Variants in TIMM50 observed in about 807,000 individuals in gnomAD.
TIMM50 encodes translocase of inner mitochondrial membrane 50.
In TIMM50, 34 loss-of-function variants were observed where a neutral mutation model predicts 49.6. The ratio of observed to expected loss-of-function variants is 0.69; its 90% CI spans 0.52 to 0.91. TIMM50 has a LOEUF of 0.91. Among genes scored for constraint, TIMM50 ranks in the 40% least tolerant of loss-of-function variants. The pLI is 0.00. For synonymous variants in TIMM50, 199 were observed against 198.4 expected (o/e 1.00, Z -0.03); for missense variants, 458 against 477.8 (o/e 0.96, Z 0.39).
intron 8 of TIMM50, among the ~76,000 whole-genome samples, chr19:39,487,052 C>T (rs2079512068): frequency 2.0e-5 from 3 of 152,038 alleles, no homozygotes; most frequent in African/African-American, 7.3e-5. Flanking sequence ...TGTCTGGGTG[C>T]CTGTCTGTGT....
At position 39,481,190 on chromosome 19, in the gene TIMM50, G is replaced by A. The variant is rs149941047; in HGVS notation, c.108+229G>A. 6.6e-3 allele frequency: 3,785 copies of A among 577,282 alleles called. 17 individuals carry two copies. The highest frequency in any genetic ancestry group is 8.9e-3 in the Non-Finnish European group (3,038 of 341,300). The allele number at this position is 577,282 out of a possible 1,614,324, so 35.8% of individuals were successfully genotyped here. On this transcript the variant is annotated intron_variant, in intron 1 of 10. Transcript: ENST00000607714. ...CCTCCCACCCACGTGGGTGCCGGAG[G>A]AGGAGGGGGTTACCGTTCCCCGTTT...
At chr19:39,488,379 G>A (rs895071884) in intron 9 of TIMM50, among the ~76,000 whole-genome samples, 160 bp from the exon 10 acceptor site, 1 of 152,208 alleles carries the variant, frequency 6.6e-6, no homozygotes, top group Non-Finnish European at 1.5e-5. Context: ...AATGTTTGGG[G>A]GATACTTGGG....
At position 39,485,708 on chromosome 19, in the gene TIMM50, C is replaced by T; in HGVS notation, c.393C>T (p.Ser131=). ...CACAGATGATCATCGAGCCCACCAG[C>T]CCTTGCCTTCTCCCAGACCCTCTGC... ...DYRQMIIEPT[S]PCLLPDPLQE... The change falls in exon 6 of 11, where the codon AGC becomes AGT. Residue 131 remains serine (S), a synonymous_variant. Coordinates refer to ENST00000607714, the MANE Select transcript of TIMM50 (RefSeq NM_001001563.5). 1 of 1,614,154 alleles carries T rather than the reference C, an allele frequency of 6.2e-7. No individual in the cohort carries two copies. Among genetic ancestry groups the T allele is most frequent in the Non-Finnish European group, 8.5e-7 (1 of 1,180,044 alleles).
chr19:39,481,550 T>C (rs1376445002), intron 1 of TIMM50, among the ~76,000 whole-genome samples: 5 of 152,154 alleles, frequency 3.3e-5, no homozygotes, highest in African/African-American at 1.2e-4. Context: ...ACTTGTGCCC[T>C]CCGTTCCCTC....
intron 4 of TIMM50, among the ~76,000 whole-genome samples, chr19:39,483,699 G>GTCA: frequency 6.6e-6 from 1 of 152,190 alleles, no homozygotes; most frequent in East Asian, 1.9e-4. Flanking sequence ...TTTGCAAACA[G>GTCA]TCATGTTAAT....
rs779513932 is a variant in TIMM50 at position 39,486,501 on chromosome 19, G to A, written c.696+6G>A. 12 of 1,613,698 alleles carry A rather than the reference G, an allele frequency of 7.4e-6. No homozygotes were observed. The highest frequency in any genetic ancestry group is 1.1e-5 in the South Asian group (1 of 91,076). ...TGGATGGACACCATGTAAAGGTGCC[G>A]TGGGTTCATGGGTGGGCCTCTGGGA... On this transcript the variant is annotated splice_donor_region_variant and intron_variant, in intron 8 of 10. Transcript: ENST00000607714.
intron 4 of TIMM50, chr19:39,485,266 A>G (rs2079497111): frequency 2.1e-6 from 1 of 483,260 alleles, no homozygotes; most frequent in Non-Finnish European, 3.8e-6. Flanking sequence ...CCGGCCTTGT[A>G]TGTGGGTTTT....
At position 39,488,424 on chromosome 19, in the gene TIMM50, G is replaced by A. The variant is rs1011875092; in HGVS notation, c.854-115G>A. ...GGGAGCCCTTTCAGAGCGTTCAGAAGCATTCCAGGTAGCACTGACTGCCCC... is the reference window on the plus strand; with the variant it reads ...GGGAGCCCTTTCAGAGCGTTCAGAAACATTCCAGGTAGCACTGACTGCCCC... On this transcript the variant is annotated intron_variant, in intron 9 of 10. Transcript: ENST00000607714. 8 of 1,116,492 alleles carry A rather than the reference G, an allele frequency of 7.2e-6. No homozygotes were observed. In the African/African-American group the frequency reaches 1.2e-4, roughly 17 times the overall value. 69.2% of individuals were successfully genotyped at this position (1,116,492 alleles called of 1,614,324 possible).
rs537437016 is a variant in TIMM50, at chr19:39,490,395, A to G, written c.*575A>G. On this transcript the variant is annotated 3_prime_UTR_variant, in exon 11 of 11. Transcript: ENST00000607714. ...TGGGAATATTTTTTTTTTTTTTTTGAGACAGGGTCTCACTGTTGCCCAGGC... is the reference window on the plus strand; with the variant it reads ...TGGGAATATTTTTTTTTTTTTTTTGGGACAGGGTCTCACTGTTGCCCAGGC... The G allele has an allele frequency of 2.7e-4, 40 of 147,436 alleles. No homozygotes were observed. Among genetic ancestry groups the G allele is most frequent in the African/African-American group, 1.0e-3 (40 of 39,274 alleles). The allele number at this position is 147,436 out of a possible 1,614,324, so 9.1% of individuals were successfully genotyped here.
chr19:39,486,100 G>A (rs760234313), intron 6 of TIMM50, 87 bp from the exon 7 acceptor site: 12 of 1,367,124 alleles, frequency 8.8e-6, no homozygotes, highest in Non-Finnish European at 1.3e-5. Flanking sequence ...CTCTGTTCTG[G>A]GAATCCCCCA....
chr19:39,480,880 G>A lies in TIMM50; in HGVS notation c.27G>A (p.Ser9=), dbSNP rs757925955. The change falls in exon 1 of 11, where the codon TCG becomes TCA. Residue 9 remains serine, a synonymous_variant. Coordinates refer to ENST00000607714, the MANE Select transcript of TIMM50 (RefSeq NM_001001563.5). ...TGGCGGCCTCGGCAGCGGTGTTCTCGCGCTTGCGAAGCGGGCTCCGGCTCG... is the reference window on the plus strand; with the variant it reads ...TGGCGGCCTCGGCAGCGGTGTTCTCACGCTTGCGAAGCGGGCTCCGGCTCG... MAASAAVF[S]RLRSGLRLGS... 13 of 1,599,654 alleles carry A rather than the reference G, an allele frequency of 8.1e-6. No homozygotes were observed. In the African/African-American group the frequency reaches 1.7e-4, roughly 21 times the overall value.
chr19:39,482,194 GTCT>G (rs1160155174), intron 2 of TIMM50, among the ~76,000 whole-genome samples, 161 bp downstream of exon 2: 14 of 152,282 alleles, frequency 9.2e-5, no homozygotes, highest in South Asian at 2.1e-4. Context: ...AACCAGGGAA[GTCT>G]TCTTTCTTCT....
chr19:39,486,023 G>C (rs1386254809), intron 6 of TIMM50, 164 bp from the exon 7 acceptor site: 1 of 1,064,326 alleles, frequency 9.4e-7, no homozygotes, highest in Non-Finnish European at 1.4e-6. Flanking sequence ...CCACAAAGGA[G>C]CCAGACCCGC....
intron 1 of TIMM50, 164 bp downstream of exon 1, chr19:39,481,125 A>G: frequency 2.2e-6 from 2 of 908,934 alleles, no homozygotes; most frequent in Non-Finnish European, 3.2e-6. Flanking sequence ...TTGCTCCCCT[A>G]GGCTGGAGGC....
At position 39,488,222 on chromosome 19, in the gene TIMM50, G is replaced by C. The variant is rs372156763; in HGVS notation, c.853+5G>C. The stretch of plus-strand genomic sequence containing the variant: ...ATCTGTCTGCCTTCCTCAAGAGTAA[G>C]GCTGACCCCTGATCCCTTGGCCTCT... On this transcript the variant is annotated splice_donor_5th_base_variant and intron_variant, in intron 9 of 10. Coordinates refer to ENST00000607714, the MANE Select transcript of TIMM50 (RefSeq NM_001001563.5). The C allele has an allele frequency of 1.2e-6, 2 of 1,608,808 alleles. No individual in the cohort carries two copies. Among genetic ancestry groups the C allele is most frequent in the African/African-American group, 2.7e-5 (2 of 74,842 alleles).
intron 8 of TIMM50, among the ~76,000 whole-genome samples, chr19:39,486,767 G>T (rs1223298083): frequency 2.0e-5 from 3 of 152,004 alleles, no homozygotes; most frequent in Non-Finnish European, 4.4e-5. Context: ...TTAGAAGCTG[G>T]TTTTATCTTG....
intron 8 of TIMM50, among the ~76,000 whole-genome samples, chr19:39,487,256 A>G (rs1408651937): frequency 3.3e-5 from 5 of 151,920 alleles, no homozygotes; most frequent in African/African-American, 9.7e-5. Flanking sequence ...TAGCTCCCCA[A>G]TATCCTGGGG....
Position 39,493,040 on chromosome 19 carries a change from A to G in TIMM50, c.*3220A>G, listed in dbSNP as rs549521560. On this transcript the variant is annotated 3_prime_UTR_variant, in exon 11 of 11. Coordinates refer to ENST00000607714, the MANE Select transcript of TIMM50 (RefSeq NM_001001563.5). ...ATGACCTTCTCTGGTGTGTGTGATG[A>G]TAATTAAAAGGCATTCAGAACTGTG... 2.0e-5 allele frequency: 3 copies of G among 151,858 alleles called. No individual in the cohort carries two copies. The highest frequency in any genetic ancestry group is 2.1e-4 in the South Asian group (1 of 4,818). The allele number at this position is 151,858 out of a possible 1,614,324, so 9.4% of individuals were successfully genotyped here. A position where few individuals can be genotyped will look rare whatever the true frequency, so the allele number is the denominator to read the frequency against.
intron 1 of TIMM50, 94 bp downstream of exon 1, chr19:39,481,055 C>A: frequency 7.1e-7 from 1 of 1,400,014 alleles, no homozygotes; most frequent in Non-Finnish European, 9.4e-7. Context: ...GACGCCTCAC[C>A]TCAGGGTGCT....
Sources: allele counts gnomAD v4.1 joint callset (sites outside exome capture counted in the v4.1 genomes callset), GRCh38; gene constraint gnomAD v4.1.1; transcripts MANE v1.5; gene names NCBI Gene and HGNC (gene_info 2026-07-23, HGNC 2026-07-21).